The following KCNT2 variants were observed in gnomAD, a reference collection of about 807,000 sequenced individuals.
The protein encoded by KCNT2 is potassium channel subfamily T member 2.
Under a neutral mutation model 153.8 loss-of-function variants are expected in KCNT2, and 67 were observed. The observed-to-expected ratio is 0.44, with a 90% CI of 0.36 to 0.53. KCNT2 has a LOEUF of 0.53. Ranked by LOEUF, KCNT2 falls within the 20% of genes least tolerant of loss-of-function variation. The pLI, the probability that KCNT2 is intolerant of heterozygous loss-of-function variation, is 0.00. For missense variants in KCNT2, 975 were observed against 1,354.8 expected, an observed-to-expected ratio of 0.72 and a Z score of 4.40; for synonymous variants, 500 against 458.8, an observed-to-expected ratio of 1.09 and a Z score of -1.15.
intron 8 of KCNT2, among the ~76,000 whole-genome samples, chr1:196,451,379 T>C (rs904189710): frequency 4.1e-5 from 6 of 146,200 alleles, no homozygotes; most frequent in African/African-American, 7.5e-5. Flanking sequence ...TAGCTGGAAC[T>C]ACAGACGTGC....
At chr1:196,441,303 C>A (rs1450867363) in intron 8 of KCNT2, among the ~76,000 whole-genome samples, 1 of 151,444 alleles carries the variant, frequency 6.6e-6, no homozygotes, top group Non-Finnish European at 1.5e-5. Context: ...CCTTTCATTT[C>A]AGATTACCCT....
intron 22 of KCNT2, 29 bp downstream of exon 22, chr1:196,305,204 TC>T: frequency 8.1e-7 from 1 of 1,231,058 alleles, no homozygotes; most frequent in Non-Finnish European, 1.2e-6. Context: ...GATGGTTAAA[TC>T]TAATTTACTT....
In KCNT2 at chr1:196,419,148, CT is replaced by C. The variant is rs562417005; in HGVS notation, c.1185+3901del. Among the ~76,000 whole-genome samples, 117 of 151,292 alleles carry C rather than the reference CT, an allele frequency of 7.7e-4. 3 individuals are homozygous for C. The South Asian group carries it at 0.022, about 29-fold the overall frequency. ...TATATAAATAACTTCTTTCTACTTT[CT>C]TTTTTTTAATTTTTAATTTTTTTTA... is the stretch of plus-strand genomic sequence containing the variant. On this transcript the variant is annotated intron_variant, in intron 12 of 27. Coordinates refer to ENST00000294725, the MANE Select transcript of KCNT2 (RefSeq NM_198503.5).
chr1:196,544,657 G>A (rs946999472), intron 1 of KCNT2, among the ~76,000 whole-genome samples: 1 of 152,096 alleles, frequency 6.6e-6, no homozygotes, highest in Non-Finnish European at 1.5e-5. Flanking sequence ...TGAGTTGCTG[G>A]ATGTTAGAAA....
intron 21 of KCNT2, among the ~76,000 whole-genome samples, chr1:196,308,613 C>T (rs1467745455): frequency 6.6e-6 from 1 of 152,014 alleles, no homozygotes; most frequent in East Asian, 1.9e-4. Flanking sequence ...CTACAAAAAA[C>T]TACTCTATGA....
chr1:196,324,316 TC>T (rs1663631608), intron 19 of KCNT2, among the ~76,000 whole-genome samples: 1 of 151,938 alleles, frequency 6.6e-6, no homozygotes, highest in Non-Finnish European at 1.5e-5. Flanking sequence ...TGTATTTTTT[TC>T]ATATATGAAA....
At chr1:196,468,556 G>A (rs1163582683) in intron 6 of KCNT2, among the ~76,000 whole-genome samples, 2 of 151,962 alleles carry the variant, frequency 1.3e-5, no homozygotes, top group Non-Finnish European at 2.9e-5. Context: ...CCTGACTTTT[G>A]ACAATCTCCT....
chr1:196,507,867 C>A (rs1681275654), intron 1 of KCNT2, among the ~76,000 whole-genome samples: 1 of 151,630 alleles, frequency 6.6e-6, no homozygotes, highest in African/African-American at 2.4e-5. Flanking sequence ...CCAGTCAAAA[C>A]TACATAGACT....
intron 20 of KCNT2, among the ~76,000 whole-genome samples, chr1:196,318,375 A>G (rs1484133839): frequency 2.6e-5 from 4 of 151,748 alleles, no homozygotes; most frequent in Non-Finnish European, 4.4e-5. Context: ...TTCGTAGCCA[A>G]TTCTGTTTTA....
At chr1:196,559,825 A>T (rs1050794514) in intron 1 of KCNT2, among the ~76,000 whole-genome samples, 1 of 151,774 alleles carries the variant, frequency 6.6e-6, no homozygotes, top group African/African-American at 2.4e-5. Context: ...ATAATACAAC[A>T]ATCAATCCAT....
At position 196,269,345 on chromosome 1, in the gene KCNT2, G is replaced by A. The variant is rs552070813; in HGVS notation, c.2911-10851C>T. 8.5e-5 allele frequency among the ~76,000 whole-genome samples: 13 copies of A among 152,140 alleles called. No individual in the cohort carries two copies. The South Asian group carries it at 1.2e-3, about 15-fold the overall frequency. On this transcript the variant is annotated intron_variant, in intron 25 of 27. Coordinates refer to ENST00000294725, the MANE Select transcript of KCNT2 (RefSeq NM_198503.5). ...GCCCAATGGTCTGGTTTCAACATGC[G>A]AGTGTGTGTATATGTGTGTGTGTGT...
At chr1:196,547,581 T>C (rs1657276255) in intron 1 of KCNT2, among the ~76,000 whole-genome samples, 1 of 152,004 alleles carries the variant, frequency 6.6e-6, no homozygotes, top group Non-Finnish European at 1.5e-5. Flanking sequence ...ATATCTTTCA[T>C]TTTAAAAAAT....
intron 22 of KCNT2, 104 bp from the exon 23 acceptor site, chr1:196,285,862 G>C (rs1659604881): frequency 8.8e-6 from 6 of 679,662 alleles, no homozygotes; most frequent in Non-Finnish European, 2.7e-6. Context: ...TCATCATATG[G>C]TTCTTAGCTA....
intron 8 of KCNT2, among the ~76,000 whole-genome samples, chr1:196,441,744 A>T (rs990599363): frequency 1.3e-5 from 2 of 151,834 alleles, no homozygotes; most frequent in African/African-American, 2.4e-5. Flanking sequence ...TACAAATGAA[A>T]GTGGGAGGGT....
intron 25 of KCNT2, among the ~76,000 whole-genome samples, chr1:196,261,151 TG>T (rs1187517709): frequency 6.6e-6 from 1 of 151,844 alleles, no homozygotes; most frequent in Non-Finnish European, 1.5e-5. Context: ...CATAATCTAG[TG>T]GAAATAGTAT....
intron 12 of KCNT2, among the ~76,000 whole-genome samples, chr1:196,422,197 GC>G (rs1327078633): frequency 6.6e-6 from 1 of 151,996 alleles, no homozygotes; most frequent in Non-Finnish European, 1.5e-5. Context: ...CACAGAGCCT[GC>G]CCATTCAGGA....
intron 2 of KCNT2, among the ~76,000 whole-genome samples, chr1:196,490,211 A>T (rs992363700): frequency 1.3e-5 from 2 of 151,722 alleles, no homozygotes; most frequent in Non-Finnish European, 3.0e-5. Flanking sequence ...TTCAGAAGCC[A>T]CAAAATTTGT....
At chr1:196,387,392 C>T (rs907891520) in intron 13 of KCNT2, among the ~76,000 whole-genome samples, 2 of 151,924 alleles carry the variant, frequency 1.3e-5, no homozygotes, top group Non-Finnish European at 1.5e-5. Flanking sequence ...CTAACCCATT[C>T]CTGTGTCAGT....
chr1:196,410,012 C>T (rs529291998), intron 12 of KCNT2, among the ~76,000 whole-genome samples: 2 of 151,664 alleles, frequency 1.3e-5, no homozygotes, highest in East Asian at 3.9e-4. Context: ...GATATCTCTG[C>T]TGTTTTCGAT....
Sources: allele counts gnomAD v4.1 joint callset (sites outside exome capture counted in the v4.1 genomes callset), GRCh38; gene constraint gnomAD v4.1.1; transcripts MANE v1.5; gene names NCBI Gene and HGNC (gene_info 2026-07-23, HGNC 2026-07-21).